The following PFKFB1 variants were observed in gnomAD, a reference collection of about 807,000 sequenced individuals.
PFKFB1 encodes 6-phosphofructo-2-kinase/fructose-2,6-biphosphatase 1.
In PFKFB1, 34 loss-of-function variants were observed where a neutral mutation model predicts 46.4. The ratio of observed to expected loss-of-function variants is 0.73; its 90% CI spans 0.56 to 0.98. The LOEUF is 0.98. Ranked by LOEUF, PFKFB1 falls within the 50% of genes least tolerant of loss-of-function variation. PFKFB1 has a pLI of 0.00. For synonymous variants in PFKFB1, 119 were observed against 133.8 expected (o/e 0.89, Z 0.76); for missense variants, 393 against 376.3 (o/e 1.04, Z -0.37).
chrX:54,950,136 AG>A (rs1488309257), intron 8 of PFKFB1, among the ~76,000 whole-genome samples: 2 of 112,607 alleles, frequency 1.8e-5, no homozygotes, highest in Non-Finnish European at 3.8e-5. Flanking sequence ...GGCATGTGTT[AG>A]GAACATCTGC....
chrX:54,951,510 G>A (rs1279215169), intron 8 of PFKFB1, among the ~76,000 whole-genome samples: 10 of 112,493 alleles, frequency 8.9e-5, no homozygotes, highest in Admixed American at 8.4e-4. Flanking sequence ...CAGGGCAGCT[G>A]TATGTGCCAC....
At chrX:54,943,753 A>T (rs1490801026) in intron 10 of PFKFB1, among the ~76,000 whole-genome samples, 2 of 110,626 alleles carry the variant, frequency 1.8e-5, no homozygotes, top group African/African-American at 3.3e-5. Context: ...TCCGTCTCAA[A>T]AAATAAATAA....
intron 1 of PFKFB1, among the ~76,000 whole-genome samples, chrX:54,990,669 A>C (rs1215550307): frequency 9.0e-6 from 1 of 111,479 alleles, no homozygotes; most frequent in Admixed American, 9.5e-5. Context: ...TAATCTTGAC[A>C]CTCTTGGAAA....
intron 1 of PFKFB1, among the ~76,000 whole-genome samples, chrX:54,985,435 G>C (rs897238763): frequency 2.7e-5 from 3 of 111,355 alleles, no homozygotes; most frequent in African/African-American, 9.8e-5. Context: ...AAAAGTCAAA[G>C]AAAGCCCAAA....
intron 1 of PFKFB1, among the ~76,000 whole-genome samples, chrX:54,973,392 G>A (rs1266084258): frequency 9.0e-5 from 10 of 111,089 alleles, no homozygotes; most frequent in African/African-American, 3.0e-4. Context: ...GCTTTTGAAT[G>A]TGTTTGCTCT....
At position 54,951,915 on chromosome X, in the gene PFKFB1, C is replaced by G; in HGVS notation, c.836G>C (p.Arg279Pro). The G allele has an allele frequency of 3.3e-6, 4 of 1,197,794 alleles. No homozygotes were observed. Among genetic ancestry groups the G allele is most frequent in the Non-Finnish European group, 4.5e-6 (4 of 887,993 alleles). ...TGTGGCCCACCCTACCTGCTTGCCG[C>G]GAACTGAGAGGCCAGAGTCACCTCC... ...RIGGDSGLSV[R>P]GKQYAYALAN... Residue 279 changes from arginine (R) to proline (P), a missense_variant, in exon 8 of 14, where the codon CGC becomes CCC. Physicochemically the swap from Arg to Pro is moderately radical, Grantham distance 103. Coordinates refer to ENST00000375006, the MANE Select transcript of PFKFB1 (RefSeq NM_002625.4).
chrX:54,935,017 G>A lies in PFKFB1; in HGVS notation c.1229-8C>T. On this transcript the variant is annotated splice_polypyrimidine_tract_variant and splice_region_variant and intron_variant, in intron 11 of 13. Transcript: ENST00000375006. ...TGAGATATGGAAGCTCATCTAGAAAGGAACAGGAAGCAGCCCTCAGAGGCA... is the reference window on the plus strand; with the variant it reads ...TGAGATATGGAAGCTCATCTAGAAAAGAACAGGAAGCAGCCCTCAGAGGCA... The A allele has an allele frequency of 8.4e-7, 1 of 1,192,893 alleles. No homozygotes were observed. The highest frequency in any genetic ancestry group is 1.1e-6 in the Non-Finnish European group (1 of 880,935).
intron 7 of PFKFB1, among the ~76,000 whole-genome samples, chrX:54,954,333 G>GT (rs35636472): frequency 0.046 from 5,099 of 110,026 alleles, 322 homozygotes; most frequent in African/African-American, 0.16. Context: ...GGCCAACATG[G>GT]GAAACCCTAT....
At chrX:54,964,826 G>A (rs1473822287) in intron 1 of PFKFB1, among the ~76,000 whole-genome samples, 3 of 111,162 alleles carry the variant, frequency 2.7e-5, no homozygotes, top group African/African-American at 9.8e-5. Context: ...AGGTAATTTC[G>A]GCAGGGAGGT....
chrX:54,936,133 G>C (rs1330832605), intron 11 of PFKFB1, among the ~76,000 whole-genome samples: 1 of 111,194 alleles, frequency 9.0e-6, no homozygotes, highest in Non-Finnish European at 1.9e-5. Flanking sequence ...GTACACTTGA[G>C]GAAACAGACT....
chrX:54,949,789 C>T (rs1052233437), intron 8 of PFKFB1, among the ~76,000 whole-genome samples: 1 of 112,613 alleles, frequency 8.9e-6, no homozygotes, highest in African/African-American at 3.2e-5. Flanking sequence ...GCACTGAAAG[C>T]GGACTCTAGA....
At chrX:54,973,432 T>C (rs1271012798) in intron 1 of PFKFB1, among the ~76,000 whole-genome samples, 2 of 111,602 alleles carry the variant, frequency 1.8e-5, no homozygotes, top group African/African-American at 6.5e-5. Flanking sequence ...ATTGTGATGT[T>C]AGGGTGTCCA....
intron 10 of PFKFB1, among the ~76,000 whole-genome samples, chrX:54,942,547 C>G (rs5960058): frequency 1.5e-3 from 164 of 111,273 alleles, no homozygotes; most frequent in Middle Eastern, 9.2e-3. Context: ...TTAGAAGAAG[C>G]AAATGAAATC....
At chrX:54,960,761 A>T (rs746223774) in intron 3 of PFKFB1, 63 bp downstream of exon 3, 106 of 744,463 alleles carry the variant, frequency 1.4e-4, no homozygotes, top group Non-Finnish European at 1.9e-4. Context: ...TACTCCCCCA[A>T]TATCTGAACA....
chrX:54,941,470 A>T (rs1279184556), intron 10 of PFKFB1, among the ~76,000 whole-genome samples: 2 of 112,185 alleles, frequency 1.8e-5, no homozygotes, highest in Non-Finnish European at 3.8e-5. Context: ...ACAGAATGGG[A>T]GAAAATTTTT....
chrX:54,933,284 C>T lies in PFKFB1; in HGVS notation c.*119G>A, dbSNP rs1933278442. The T allele has an allele frequency of 2.1e-5, 12 of 582,657 alleles. No individual in the cohort carries two copies. The South Asian group carries it at 3.3e-4, about 16-fold the overall frequency. 48.0% of individuals were successfully genotyped at this position (582,657 alleles called of 1,213,427 possible). A position where few individuals can be genotyped will look rare whatever the true frequency, so the allele number is the denominator to read the frequency against. ...CTTGTTTGGGAGTTGCGGAGGACTT[C>T]TTCACTGGAAGTGGGGTGCCTCAGT... On this transcript the variant is annotated 3_prime_UTR_variant, in exon 14 of 14. Coordinates refer to ENST00000375006, the MANE Select transcript of PFKFB1 (RefSeq NM_002625.4).
chrX:54,984,455 G>T (rs765558585), intron 1 of PFKFB1, among the ~76,000 whole-genome samples: 104 of 111,975 alleles, frequency 9.3e-4, no homozygotes, highest in Non-Finnish European at 1.7e-3. Flanking sequence ...AGCTCAGCTG[G>T]CAAAATTACA....
At chrX:54,955,482 G>GT (rs11423589) in intron 7 of PFKFB1, among the ~76,000 whole-genome samples, 8,328 of 108,807 alleles carry the variant, frequency 0.077, 815 homozygotes, top group African/African-American at 0.27. Context: ...AACATTTCTT[G>GT]TTTTTTTTTA....
intron 8 of PFKFB1, 69 bp from the exon 9 acceptor site, chrX:54,949,290 C>G: frequency 1.1e-6 from 1 of 929,567 alleles, no homozygotes; most frequent in Non-Finnish European, 1.5e-6. Context: ...GGGTGGCCAT[C>G]AGAACAAGCT....
Sources: gnomAD v4.1 joint callset for allele counts (sites outside exome capture counted in the v4.1 genomes callset) on GRCh38, gnomAD v4.1.1 for gene constraint, MANE v1.5 for transcripts, NCBI Gene and HGNC (gene_info 2026-07-23, HGNC 2026-07-21) for gene names.